Variants in GAD1 observed in about 807,000 individuals in gnomAD.
The protein encoded by GAD1 is glutamate decarboxylase 1.
A neutral mutation model predicts 75.2 loss-of-function variants in GAD1; 35 were observed. The observed-to-expected ratio is 0.47, with a 90% CI of 0.36 to 0.62. The LOEUF is 0.62. Ranked by LOEUF, GAD1 falls within the 20% of genes least tolerant of loss-of-function variation. GAD1 has a pLI of 0.00. For missense variants in GAD1, 490 were observed against 758.5 expected, an observed-to-expected ratio of 0.65 and a Z score of 4.16; for synonymous variants, 257 against 271.9, an observed-to-expected ratio of 0.95 and a Z score of 0.54.
intron 5 of GAD1, among the ~76,000 whole-genome samples, chr2:170,832,662 G>GCACACA (rs1275912956): frequency 0.029 from 3,694 of 128,398 alleles, 72 homozygotes; most frequent in Middle Eastern, 0.037. Flanking sequence ...GCGCGCGCGC[G>GCACACA]CGCACACACA....
intron 6 of GAD1, among the ~76,000 whole-genome samples, chr2:170,838,821 C>G (rs1360210333): frequency 6.6e-6 from 1 of 152,190 alleles, no homozygotes; most frequent in Non-Finnish European, 1.5e-5. Context: ...AGGTCAAGGC[C>G]AATCCAACTA....
upstream of GAD1, among the ~76,000 whole-genome samples, chr2:170,814,465 G>T (rs1432626307): frequency 6.6e-6 from 1 of 152,168 alleles, no homozygotes; most frequent in African/African-American, 2.4e-5. Context: ...GTGCCCAAGA[G>T]TTCGAGTTGG....
chr2:170,857,536 A>G (rs1015057320), intron 15 of GAD1, among the ~76,000 whole-genome samples: 4 of 152,184 alleles, frequency 2.6e-5, no homozygotes. Flanking sequence ...GCTTGAGTCC[A>G]GGAGCTCAAG....
upstream of GAD1, among the ~76,000 whole-genome samples, chr2:170,814,584 G>A (rs1361380934): frequency 3.9e-5 from 6 of 152,180 alleles, no homozygotes; most frequent in African/African-American, 7.2e-5. Context: ...AAACCGCAGG[G>A]ACAATGCAAG....
intron 9 of GAD1, 106 bp from the exon 10 acceptor site, chr2:170,845,903 G>C (rs781571382): frequency 1.4e-6 from 2 of 1,459,926 alleles, no homozygotes; most frequent in Non-Finnish European, 1.9e-6. Context: ...CTAATGGTCT[G>C]TTGAAAATAT....
chr2:170,815,183 C>A (rs1275287636), upstream of GAD1, among the ~76,000 whole-genome samples: 2 of 152,152 alleles, frequency 1.3e-5, no homozygotes, highest in Non-Finnish European at 2.9e-5. Flanking sequence ...CAGCGCAGAG[C>A]AGCTGCCGGT....
At chr2:170,843,854 T>C in intron 6 of GAD1, 191 bp from the exon 7 acceptor site, 1 of 588,132 alleles carries the variant, frequency 1.7e-6, no homozygotes. Context: ...CCTCTCTCAG[T>C]AACCCAGGCT....
intron 3 of GAD1, among the ~76,000 whole-genome samples, chr2:170,823,616 T>A (rs1701949800): frequency 1.3e-5 from 2 of 151,942 alleles, no homozygotes; most frequent in African/African-American, 4.8e-5. Context: ...CGGCCGCGGA[T>A]CTTTGTTCTA....
At chr2:170,858,049 A>G (rs1372694867) in intron 15 of GAD1, among the ~76,000 whole-genome samples, 5 of 152,250 alleles carry the variant, frequency 3.3e-5, no homozygotes, top group Non-Finnish European at 5.9e-5. Context: ...CCAAATGAAC[A>G]AAAAAGAGCC....
At chr2:170,840,282 C>T (rs959534093) in intron 6 of GAD1, among the ~76,000 whole-genome samples, 47 of 152,286 alleles carry the variant, frequency 3.1e-4, no homozygotes, top group African/African-American at 9.9e-4. Flanking sequence ...TTGAGACTTT[C>T]CTGACTCTTT....
Position 170,829,513 on chromosome 2 carries a change from C to G in GAD1, c.184C>G (p.Arg62Gly). The G allele has an allele frequency of 6.2e-7, 1 of 1,613,720 alleles. No individual in the cohort carries two copies. Among genetic ancestry groups the G allele is most frequent in the Non-Finnish European group, 8.5e-7 (1 of 1,180,020 alleles). ...GACCAACAGCCTGGAAGAGAAGAGT[C>G]GCCTTGTGAGTGCCTTCAAGGAGAG... is the stretch of plus-strand genomic sequence containing the variant. ...QRTNSLEEKSRLVSAFKERQS... is the reference protein window; with the variant it reads ...QRTNSLEEKSGLVSAFKERQS... The change falls in exon 4 of 17, where the codon CGC (arginine) becomes GGC (glycine). Residue 62 changes from arginine to glycine, a missense_variant. This residue lies in a region of GAD1 where 165 missense variants were observed against 216.4 expected (regional missense o/e 0.76). Coordinates refer to ENST00000358196, the MANE Select transcript of GAD1 (RefSeq NM_000817.3).
intron 14 of GAD1, among the ~76,000 whole-genome samples, chr2:170,854,466 T>G (rs1702809662): frequency 6.7e-6 from 1 of 149,536 alleles, no homozygotes; most frequent in African/African-American, 2.5e-5. Flanking sequence ...AGTGGCGCGA[T>G]CTCGGCTCAC....
intron 7 of GAD1, 55 bp from the exon 8 acceptor site, chr2:170,845,451 T>G: frequency 1.3e-6 from 2 of 1,501,142 alleles, no homozygotes; most frequent in South Asian, 2.3e-5. Context: ...CGTTCGTTTT[T>G]AGAAACAATA....
rs1702928175 is a variant in GAD1, at chr2:170,859,990, C to T, written c.*108C>T. Reference sequence around the variant, plus strand: ...CACAGGCCATTTCATTGAGGGAAAACATAATATCTTGAAGAATATTGTTAA... The same window carrying T: ...CACAGGCCATTTCATTGAGGGAAAATATAATATCTTGAAGAATATTGTTAA... On this transcript the variant is annotated 3_prime_UTR_variant, in exon 17 of 17. Transcript: ENST00000358196. 1 of 978,784 alleles carries T rather than the reference C, an allele frequency of 1.0e-6. No individual in the cohort carries two copies. Among genetic ancestry groups the T allele is most frequent in the Non-Finnish European group, 1.6e-6 (1 of 626,300 alleles). The allele number at this position is 978,784 out of a possible 1,614,324, so 60.6% of individuals were successfully genotyped here. A position where few individuals can be genotyped will look rare whatever the true frequency, so the allele number is the denominator to read the frequency against.
At chr2:170,849,408 C>T (rs1309757704) in intron 12 of GAD1, 58 bp downstream of exon 12, 1 of 1,500,262 alleles carries the variant, frequency 6.7e-7, no homozygotes. Context: ...AGACCATGCT[C>T]TGATGTCAGC....
chr2:170,830,944 A>G lies in GAD1; in HGVS notation c.305-6A>G, dbSNP rs770524470. 13 of 1,614,162 alleles carry G rather than the reference A, an allele frequency of 8.1e-6. No homozygotes were observed. The highest frequency in any genetic ancestry group is 1.7e-4 in the Middle Eastern group (1 of 6,060). On this transcript the variant is annotated splice_polypyrimidine_tract_variant and splice_region_variant and intron_variant, in intron 4 of 16. Transcript: ENST00000358196. ...TGAAAACCATTCATTGCTCTCCCCAATTCAGATCTGCTTCCGGCTAAGAAC... is the reference window on the plus strand; with the variant it reads ...TGAAAACCATTCATTGCTCTCCCCAGTTCAGATCTGCTTCCGGCTAAGAAC...
intron 5 of GAD1, among the ~76,000 whole-genome samples, chr2:170,831,958 C>G (rs1258538867): frequency 5.9e-5 from 9 of 151,478 alleles, no homozygotes; most frequent in African/African-American, 1.9e-4. Context: ...AGATTGGGAC[C>G]CTATCTCAAA....
chr2:170,817,233 C>G lies in GAD1; in HGVS notation c.-64+185C>G, dbSNP rs45534742. The G allele has an allele frequency of 1.8e-5, 2 of 112,894 alleles. 1 individual carries two copies. The highest frequency in any genetic ancestry group is 5.6e-5 in the African/African-American group (2 of 35,510). 7.0% of individuals were successfully genotyped at this position (112,894 alleles called of 1,614,324 possible). On this transcript the variant is annotated intron_variant, in intron 1 of 16. Transcript: ENST00000358196. ...GGGTGCGCTGCGCAGGGACCCCCCC[C>G]CCCCCGCCTCCCTCGTCACTCTTCT... is the stretch of plus-strand genomic sequence containing the variant.
In GAD1 at chr2:170,818,319, C is replaced by T; in HGVS notation, c.-63-210C>T. ...TCGAGAGCGGCCCAGGGCTACGCTCCCTGCGCCCCAGTACCGGAGCTAGCG... is the reference window on the plus strand; with the variant it reads ...TCGAGAGCGGCCCAGGGCTACGCTCTCTGCGCCCCAGTACCGGAGCTAGCG... On this transcript the variant is annotated intron_variant, in intron 1 of 16. Coordinates refer to ENST00000358196, the MANE Select transcript of GAD1 (RefSeq NM_000817.3). The surrounding 1 kb of genome is among the most constrained non-coding windows in gnomAD (Gnocchi z 5.9). 1.9e-6 allele frequency: 1 copy of T among 538,568 alleles called. No homozygotes were observed. Among genetic ancestry groups the T allele is most frequent in the South Asian group, 2.1e-5 (1 of 48,224 alleles). The allele number at this position is 538,568 out of a possible 1,614,324, so 33.4% of individuals were successfully genotyped here.
Sources: gnomAD v4.1 joint callset for allele counts (sites outside exome capture counted in the v4.1 genomes callset) on GRCh38, gnomAD v4.1.1 for gene constraint, gnomAD v4.1.1 regional missense constraint, Gnocchi (gnomAD v3.1) non-coding constraint, MANE v1.5 for transcripts, NCBI Gene and HGNC (gene_info 2026-07-23, HGNC 2026-07-21) for gene names.